Variants in NFATC1 observed in about 807,000 individuals in gnomAD.
The protein encoded by NFATC1 is nuclear factor of activated T-cells, cytoplasmic 1.
A neutral mutation model predicts 76.0 loss-of-function variants in NFATC1; 22 were observed. The ratio of observed to expected loss-of-function variants is 0.29; its 90% CI spans 0.21 to 0.41. The LOEUF (loss-of-function observed/expected upper bound fraction) is 0.41. Among genes scored for constraint, NFATC1 ranks in the 10% least tolerant of loss-of-function variants. The probability of loss-of-function intolerance (pLI) is 1.00; values close to 1 mark genes in which losing one functional copy is unlikely to be tolerated. For missense variants in NFATC1, 1,357 were observed against 1,337.7 expected (o/e 1.01, Z -0.23); for synonymous variants, 704 against 613.1 (o/e 1.15, Z -2.19).
intron 1 of NFATC1, among the ~76,000 whole-genome samples, chr18:79,397,919 G>GT (rs1283609156): frequency 6.6e-6 from 1 of 152,212 alleles, no homozygotes; most frequent in Non-Finnish European, 1.5e-5. Context: ...CGACATGGGT[G>GT]TATTTTATGA....
At chr18:79,426,162 G>A (rs1211986145) in intron 2 of NFATC1, among the ~76,000 whole-genome samples, 2 of 152,140 alleles carry the variant, frequency 1.3e-5, no homozygotes, top group Non-Finnish European at 2.9e-5. Flanking sequence ...GTGACAGAGC[G>A]AGACCCTGTC....
chr18:79,461,910 C>A (rs888588890), intron 7 of NFATC1, among the ~76,000 whole-genome samples: 1 of 152,248 alleles, frequency 6.6e-6, no homozygotes, highest in Admixed American at 6.5e-5. Context: ...GTCCCAAGCA[C>A]AAGAGCCTGG....
chr18:79,445,859 C>A (rs2087186296), intron 3 of NFATC1, among the ~76,000 whole-genome samples: 1 of 152,210 alleles, frequency 6.6e-6, no homozygotes, highest in Non-Finnish European at 1.5e-5. Flanking sequence ...ACCTCCCTCC[C>A]CTGGGTGCAC....
chr18:79,402,159 C>T (rs1007092545), intron 1 of NFATC1, among the ~76,000 whole-genome samples: 10 of 152,256 alleles, frequency 6.6e-5, no homozygotes, highest in African/African-American at 2.2e-4. Flanking sequence ...GGAAGGACAC[C>T]GCCGGCGGCG....
rs775790001 is a variant in NFATC1, at chr18:79,486,401, C to T, written c.2246C>T (p.Pro749Leu). Residue 749 changes from proline to leucine, a missense_variant, in exon 9 of 10, where the codon CCG becomes CTG. Physicochemically the swap from Pro to Leu is moderately conservative, Grantham distance 98. Coordinates refer to ENST00000427363, the MANE Select transcript of NFATC1 (RefSeq NM_001278669.2). ...DPSSCLVAGF[P>L]PCPQRSTLMP... ...AGCTCCTGCCTCGTGGCCGGCTTCCCGCCCTGTCCGCAGAGAAGCACCCTG... is the reference window on the plus strand; with the variant it reads ...AGCTCCTGCCTCGTGGCCGGCTTCCTGCCCTGTCCGCAGAGAAGCACCCTG... The T allele has an allele frequency of 7.4e-6, 12 of 1,612,674 alleles. No homozygotes were observed. The highest frequency in any genetic ancestry group is 1.3e-5 in the African/African-American group (1 of 74,916).
chr18:79,398,282 C>A (rs1477860889), intron 1 of NFATC1, among the ~76,000 whole-genome samples: 1 of 152,090 alleles, frequency 6.6e-6, no homozygotes, highest in Non-Finnish European at 1.5e-5. Context: ...TGGGGCCAAA[C>A]AAAGCTCACC....
chr18:79,410,498 T>C lies in NFATC1; in HGVS notation c.223T>C (p.Ser75Pro), dbSNP rs140711063. The change falls in exon 2 of 10, where the codon TCC (serine) becomes CCC (proline). Residue 75 changes from serine to proline, a missense_variant. Coordinates refer to ENST00000427363, the MANE Select transcript of NFATC1 (RefSeq NM_001278669.2). This position sits in a 1 kb window ranked among gnomAD's most constrained non-coding sequence, Gnocchi z 6.7. ...GGCCCCGTGCCACAACCTTCAGACC[T>C]CCACACCGGGCATCATCCCGCCGGC... The part of the protein sequence containing the change: ...LPAPCHNLQT[S>P]TPGIIPPADH... 3.1e-6 allele frequency: 5 copies of C among 1,611,954 alleles called. No individual in the cohort carries two copies. The highest frequency in any genetic ancestry group is 4.2e-6 in the Non-Finnish European group (5 of 1,179,880).
chr18:79,497,371 T>G (rs1359358682), intron 9 of NFATC1: 1 of 151,922 alleles, frequency 6.6e-6, no homozygotes, highest in Non-Finnish European at 1.5e-5. Context: ...TTGGGGCCGC[T>G]CCAGCCCCGA....
At chr18:79,514,365 A>G (rs1056406164) in intron 9 of NFATC1, among the ~76,000 whole-genome samples, 1 of 151,862 alleles carries the variant, frequency 6.6e-6, no homozygotes, top group South Asian at 2.1e-4. Context: ...ACACGAGCCC[A>G]GGAGTTCCAG....
chr18:79,414,093 G>A (rs911296777), intron 2 of NFATC1, among the ~76,000 whole-genome samples: 11 of 152,102 alleles, frequency 7.2e-5, no homozygotes, highest in Non-Finnish European at 1.2e-4. Context: ...AAGTGACCTC[G>A]TCAGCGGGTG....
intron 9 of NFATC1, among the ~76,000 whole-genome samples, chr18:79,510,829 TCCTCTGCC>T (rs1308271980): frequency 4.7e-4 from 7 of 15,000 alleles, no homozygotes; most frequent in Non-Finnish European, 1.5e-3. Context: ...TGCCGGGGCA[TCCTCTGCC>T]GGGGCATCCT....
intron 8 of NFATC1, among the ~76,000 whole-genome samples, chr18:79,473,243 G>T (rs566197891): frequency 6.6e-6 from 1 of 152,244 alleles, no homozygotes; most frequent in African/African-American, 2.4e-5. Flanking sequence ...TGTGAACAGC[G>T]GCCTGTGGGC....
In NFATC1 at chr18:79,411,479, C is replaced by G. The variant is rs1264456924; in HGVS notation, c.1204C>G (p.Leu402Val). 3.3e-6 allele frequency: 5 copies of G among 1,512,984 alleles called. No homozygotes were observed. The highest frequency in any genetic ancestry group is 4.4e-6 in the Non-Finnish European group (5 of 1,133,326). 93.7% of individuals were successfully genotyped at this position (1,512,984 alleles called of 1,614,324 possible). A position where few individuals can be genotyped will look rare whatever the true frequency, so the allele number is the denominator to read the frequency against. Residue 402 changes from leucine (L) to valine (V), a missense_variant, in exon 2 of 10, where the codon CTG (leucine) becomes GTG (valine). By Grantham distance (32) the Leu-to-Val change is conservative (BLOSUM62 1). Coordinates refer to ENST00000427363, the MANE Select transcript of NFATC1 (RefSeq NM_001278669.2). ...HPYQWAKPKP[L>V]SPTSYMSPTL... is the part of the protein sequence containing the mutation. ...CTACCAGTGGGCGAAGCCCAAGCCCCTGTCCCCTACGTCCTACATGAGGTG... is the reference window on the plus strand; with the variant it reads ...CTACCAGTGGGCGAAGCCCAAGCCCGTGTCCCCTACGTCCTACATGAGGTG...
At chr18:79,419,945 T>C (rs2086014732) in intron 2 of NFATC1, among the ~76,000 whole-genome samples, 1 of 152,250 alleles carries the variant, frequency 6.6e-6, no homozygotes, top group Non-Finnish European at 1.5e-5. Flanking sequence ...TTCTACATTA[T>C]GATGGGATTT....
intron 9 of NFATC1, among the ~76,000 whole-genome samples, chr18:79,521,222 TG>T (rs200339301): frequency 1.9e-4 from 6 of 31,926 alleles, no homozygotes; most frequent in Non-Finnish European, 4.4e-4. Context: ...TGTCTGTGTG[TG>T]GGGGGTGGAG....
chr18:79,521,086 C>T (rs1363081786), intron 9 of NFATC1, among the ~76,000 whole-genome samples: 2 of 82,964 alleles, frequency 2.4e-5, no homozygotes, highest in Admixed American at 1.9e-4. Flanking sequence ...TGGGGGCATC[C>T]GCTGATGTGT....
At chr18:79,473,463 G>A (rs1370208825) in intron 8 of NFATC1, among the ~76,000 whole-genome samples, 1 of 148,556 alleles carries the variant, frequency 6.7e-6, no homozygotes, top group Non-Finnish European at 1.5e-5. Flanking sequence ...GCTCATTGTC[G>A]ACGTAAACCC....
intron 6 of NFATC1, among the ~76,000 whole-genome samples, chr18:79,457,467 C>T (rs2087797411): frequency 6.6e-6 from 1 of 152,198 alleles, no homozygotes; most frequent in South Asian, 2.1e-4. Context: ...GCTTCTGGCT[C>T]CCCTCCCTCC....
chr18:79,464,677 T>TATATATATATATATATATACACAC (rs1491232366), intron 7 of NFATC1, among the ~76,000 whole-genome samples: 1 of 116,888 alleles, frequency 8.6e-6, no homozygotes, highest in African/African-American at 4.2e-5. Context: ...TGTGTATATG[T>TATATATATATATATATATACACAC]ATGTGTATAT....
Sources: gnomAD v4.1 joint callset for allele counts (sites outside exome capture counted in the v4.1 genomes callset) on GRCh38, gnomAD v4.1.1 for gene constraint, Gnocchi (gnomAD v3.1) non-coding constraint, MANE v1.5 for transcripts, NCBI Gene and HGNC (gene_info 2026-07-23, HGNC 2026-07-21) for gene names.